Variants in ROBO2 observed in about 807,000 individuals in gnomAD.
ROBO2 encodes roundabout guidance receptor 2, also known as roundabout homolog 2.
ROBO2 carries 53 observed loss-of-function variants against 160.8 expected under a neutral mutation model. The ratio of observed to expected loss-of-function variants is 0.33; its 90% confidence interval spans 0.26 to 0.41. ROBO2 has a LOEUF of 0.41. ROBO2 is among the 10% of genes least tolerant of loss of function. The pLI, the probability that ROBO2 is intolerant of heterozygous loss-of-function variation, is 1.00. For missense variants in ROBO2, 1,577 were observed against 1,722.4 expected, an observed-to-expected ratio of 0.92 and a Z score of 1.49; for synonymous variants, 664 against 611.7, an observed-to-expected ratio of 1.09 and a Z score of -1.26.
intron 2 of ROBO2, among the ~76,000 whole-genome samples, chr3:76,200,472 A>G (rs1702468554): frequency 6.6e-6 from 1 of 152,162 alleles, no homozygotes; most frequent in Admixed American, 6.6e-5. Flanking sequence ...CTTTAGCTCA[A>G]AATAATTCAT....
chr3:76,763,143 T>C (rs191395075), intron 2 of ROBO2, among the ~76,000 whole-genome samples: 35 of 150,658 alleles, frequency 2.3e-4, no homozygotes, highest in Admixed American at 2.0e-3. Context: ...CTATCTTTAA[T>C]GCGTGAACAT....
intron 2 of ROBO2, among the ~76,000 whole-genome samples, chr3:76,295,852 CTT>C (rs1709043102): frequency 6.6e-6 from 1 of 152,114 alleles, no homozygotes; most frequent in Non-Finnish European, 1.5e-5. Flanking sequence ...TAGTCACATT[CTT>C]TAGCTTAAAA....
chr3:77,369,516 C>A (rs2071434846), intron 2 of ROBO2, among the ~76,000 whole-genome samples: 1 of 152,168 alleles, frequency 6.6e-6, no homozygotes, highest in Non-Finnish European at 1.5e-5. Flanking sequence ...TAGGCCATAA[C>A]TGAGCACTTC....
intron 2 of ROBO2, among the ~76,000 whole-genome samples, chr3:76,255,671 T>G (rs2107571940): frequency 6.6e-6 from 1 of 152,250 alleles, no homozygotes; most frequent in East Asian, 1.9e-4. Flanking sequence ...AGAAATGGTT[T>G]ATAGATTTAA....
At chr3:76,253,147 G>A (rs975741605) in intron 2 of ROBO2, among the ~76,000 whole-genome samples, 1 of 152,000 alleles carries the variant, frequency 6.6e-6, no homozygotes, top group African/African-American at 2.4e-5. Context: ...TCACAGATCA[G>A]CCTCTTTTAC....
intron 2 of ROBO2, among the ~76,000 whole-genome samples, chr3:76,211,666 CA>C (rs749751424): frequency 6.6e-6 from 1 of 151,968 alleles, no homozygotes; most frequent in Non-Finnish European, 1.5e-5. Context: ...GTTCAGATGC[CA>C]TACAGACTTT....
chr3:76,909,505 C>T (rs1266723094), intron 2 of ROBO2, among the ~76,000 whole-genome samples: 1 of 152,150 alleles, frequency 6.6e-6, no homozygotes, highest in African/African-American at 2.4e-5. Context: ...GAACTCACCA[C>T]TGTACAACTC....
chr3:76,087,419 G>A (rs973515805), intron 2 of ROBO2, among the ~76,000 whole-genome samples: 3 of 151,810 alleles, frequency 2.0e-5, no homozygotes, highest in African/African-American at 7.3e-5. Context: ...TCTGTACCCT[G>A]CAAAATTATC....
chr3:76,466,031 A>G (rs868843655), intron 2 of ROBO2, among the ~76,000 whole-genome samples: 35 of 90,280 alleles, frequency 3.9e-4, no homozygotes, highest in South Asian at 3.9e-3. Context: ...GTGTGTGTGT[A>G]TGTAAAATTG....
chr3:76,178,194 A>C (rs1041910015), intron 2 of ROBO2, among the ~76,000 whole-genome samples: 6 of 152,166 alleles, frequency 3.9e-5, no homozygotes, highest in African/African-American at 1.4e-4. Flanking sequence ...CATCCACAAT[A>C]TTCACACTTG....
At chr3:76,773,459 C>G (rs959621165) in intron 2 of ROBO2, among the ~76,000 whole-genome samples, 1 of 150,782 alleles carries the variant, frequency 6.6e-6, no homozygotes, top group South Asian at 2.1e-4. Context: ...TGCACCTTAC[C>G]TTTCTGCCTG....
intron 2 of ROBO2, among the ~76,000 whole-genome samples, chr3:77,195,389 TAA>T (rs2082224056): frequency 1.3e-5 from 2 of 152,186 alleles, no homozygotes; most frequent in South Asian, 2.1e-4. Context: ...AAATTTTATT[TAA>T]GTTAGGTTTA....
At chr3:76,739,502 G>T in intron 2 of ROBO2, among the ~76,000 whole-genome samples, 1 of 130,332 alleles carries the variant, frequency 7.7e-6, no homozygotes, top group East Asian at 2.8e-4. Flanking sequence ...AGGGGGGAGG[G>T]ATAGCATTAG....
Position 76,640,628 on chromosome 3 carries a change from T to G in ROBO2, c.110-457386T>G, listed in dbSNP as rs2090625062. On this transcript the variant is annotated intron_variant, in intron 2 of 26. Coordinates refer to the ROBO2 transcript ENST00000487694. Reference sequence around the variant, plus strand: ...GTGTGTGTGTGTGTGTGTGTGTGTGTGGCCGGGGGATGTGTTGGCTGAGAG... The same window carrying G: ...GTGTGTGTGTGTGTGTGTGTGTGTGGGGCCGGGGGATGTGTTGGCTGAGAG... Among the ~76,000 whole-genome samples the G allele has an allele frequency of 4.2e-5, 6 of 144,366 alleles. No individual in the cohort carries two copies. In the Admixed American group the frequency reaches 4.2e-4, roughly 10 times the overall value. The allele number at this position is 144,366 out of a possible 152,430, so 94.7% of individuals were successfully genotyped here.
intron 2 of ROBO2, among the ~76,000 whole-genome samples, chr3:77,343,170 C>G (rs1384960585): frequency 1.3e-5 from 2 of 151,914 alleles, no homozygotes; most frequent in Non-Finnish European, 2.9e-5. Context: ...CCTAAAGATC[C>G]TATACAGTCA....
chr3:77,577,789 T>G (rs1371065958), intron 15 of ROBO2, among the ~76,000 whole-genome samples, 175 bp downstream of exon 16: 1 of 152,038 alleles, frequency 6.6e-6, no homozygotes, highest in Non-Finnish European at 1.5e-5. Context: ...AGAACCTGAG[T>G]TCAAGGTCAG....
At chr3:76,403,383 A>G (rs1559890701) in intron 2 of ROBO2, among the ~76,000 whole-genome samples, 1 of 151,658 alleles carries the variant, frequency 6.6e-6, no homozygotes, top group Non-Finnish European at 1.5e-5. Context: ...ATTATTAAAT[A>G]ATCTATTTTT....
intron 2 of ROBO2, among the ~76,000 whole-genome samples, chr3:76,063,872 T>G (rs1201339383): frequency 6.6e-6 from 1 of 152,194 alleles, no homozygotes; most frequent in African/African-American, 2.4e-5. Context: ...AGAGTGATCC[T>G]CTTGTGATTA....
chr3:75,919,611 G>T (rs1946946881), intron 1 of ROBO2, among the ~76,000 whole-genome samples: 1 of 152,146 alleles, frequency 6.6e-6, no homozygotes, highest in Admixed American at 6.5e-5. Context: ...AGAAGGAATG[G>T]TACCAGCTCC....
Sources: gnomAD v4.1 joint callset for allele counts (sites outside exome capture counted in the v4.1 genomes callset) on GRCh38, gnomAD v4.1.1 for gene constraint, MANE v1.5 for transcripts, NCBI Gene and HGNC (gene_info 2026-07-23, HGNC 2026-07-21) for gene names.